Variants in GLIS3 observed in about 807,000 individuals in gnomAD.
GLIS3 encodes the protein zinc finger protein GLIS3.
Under a neutral mutation model 78.6 loss-of-function variants are expected in GLIS3, and 53 were observed. That is an observed-to-expected ratio of 0.67 (90% confidence interval 0.54 to 0.85). GLIS3 has a LOEUF of 0.85. Ranked by LOEUF, GLIS3 falls within the 40% of genes least tolerant of loss-of-function variation. The pLI, the probability that GLIS3 is intolerant of heterozygous loss-of-function variation, is 0.00. For missense variants in GLIS3, 1,703 were observed against 1,231.1 expected (o/e 1.38, Z -5.74); for synonymous variants, 684 against 509.9 (o/e 1.34, Z -4.60).
At chr9:4,265,914 C>CTGTT (rs1251955544) in intron 2 of GLIS3, among the ~76,000 whole-genome samples, 3 of 151,480 alleles carry the variant, frequency 2.0e-5, no homozygotes, top group African/African-American at 7.3e-5. Context: ...TTTTGTTTGT[C>CTGTT]TGTTTGTTTG....
intron 8 of GLIS3, among the ~76,000 whole-genome samples, chr9:3,857,842 G>C (rs966393472): frequency 1.3e-5 from 2 of 152,164 alleles, no homozygotes; most frequent in African/African-American, 4.8e-5. Context: ...AAACTCATTT[G>C]CCAGGATTCC....
rs1319383455 is a variant in GLIS3 at position 3,992,899 on chromosome 9, G to A, written c.1711-55710C>T. ...AACATTTTCTTTAGTTTCGTTTGAG[G>A]TGTATGAAGATTTTCCACTTGTGAA... On this transcript the variant is annotated intron_variant, in intron 4 of 10. Transcript: ENST00000381971. Among the ~76,000 whole-genome samples the A allele has an allele frequency of 2.0e-5, 3 of 152,104 alleles. 1 individual carries two copies. Among genetic ancestry groups the A allele is most frequent in the East Asian group, 3.9e-4 (2 of 5,194 alleles).
At chr9:4,277,786 A>T (rs1827162369) in intron 2 of GLIS3, among the ~76,000 whole-genome samples, 1 of 152,268 alleles carries the variant, frequency 6.6e-6, no homozygotes, top group African/African-American at 2.4e-5. Flanking sequence ...AATGTACTTA[A>T]AGTGGGGATC....
At chr9:4,136,795 T>A (rs1328267964) in intron 2 of GLIS3, among the ~76,000 whole-genome samples, 1 of 152,190 alleles carries the variant, frequency 6.6e-6, no homozygotes, top group Non-Finnish European at 1.5e-5. Context: ...GTTGGTTCAA[T>A]CAGCCCTGAA....
chr9:4,265,113 A>C (rs1563859529), intron 2 of GLIS3, among the ~76,000 whole-genome samples: 2 of 149,740 alleles, frequency 1.3e-5, no homozygotes, highest in African/African-American at 2.5e-5. Context: ...TAGAGCTTGC[A>C]GTGAGCCGAG....
At chr9:4,109,138 GA>G (rs1009561661) in intron 4 of GLIS3, among the ~76,000 whole-genome samples, 10 of 147,790 alleles carry the variant, frequency 6.8e-5, no homozygotes, top group East Asian at 3.9e-4. Context: ...AGTCTGAGCA[GA>G]AAAAAAAAAT....
rs138186545 is a variant in GLIS3, at chr9:4,287,202, A to G, written c.-98-679T>C. On this transcript the variant is annotated intron_variant, in intron 1 of 10. Transcript: ENST00000381971. ...CAACAGGATACTGCAACCTTCCACT[A>G]AAATCCTAGAAAAGAGAAGGGCTGT... 5.1e-4 allele frequency among the ~76,000 whole-genome samples: 78 copies of G among 152,284 alleles called. 1 individual carries two copies. The East Asian group carries it at 0.013, about 25-fold the overall frequency.
rs980915326 is a variant in GLIS3, at chr9:3,890,658, T to C, written c.2128+8033A>G. Among the ~76,000 whole-genome samples the C allele has an allele frequency of 2.0e-5, 3 of 152,074 alleles. No individual in the cohort carries two copies. In the East Asian group the frequency reaches 5.8e-4, roughly 29 times the overall value. On this transcript the variant is annotated intron_variant, in intron 7 of 10. Transcript: ENST00000381971. Reference sequence around the variant, plus strand: ...AAAAGTAACCTCCCCAAACTGAACATCTAGGGACTGGAGATCCAGAACTGG... The same window carrying C: ...AAAAGTAACCTCCCCAAACTGAACACCTAGGGACTGGAGATCCAGAACTGG...
chr9:4,027,883 C>T (rs77494969), intron 4 of GLIS3, among the ~76,000 whole-genome samples: 1 of 152,174 alleles, frequency 6.6e-6, no homozygotes, highest in African/African-American at 2.4e-5. Flanking sequence ...CTGTCAGTGG[C>T]TCTTAAACCC....
chr9:4,320,445 C>T (rs1268214789), intron 2 of GLIS3, among the ~76,000 whole-genome samples: 1 of 152,192 alleles, frequency 6.6e-6, no homozygotes, highest in African/African-American at 2.4e-5. Context: ...CACTTTATTG[C>T]CAAGCCAGAA....
chr9:4,331,634 C>T (rs955591224), intron 2 of GLIS3, among the ~76,000 whole-genome samples: 3 of 152,222 alleles, frequency 2.0e-5, no homozygotes, highest in African/African-American at 4.8e-5. Flanking sequence ...GTGGTAAATT[C>T]ACCCAATTAC....
intron 2 of GLIS3, among the ~76,000 whole-genome samples, chr9:4,165,143 T>G (rs924410200): frequency 6.6e-6 from 1 of 152,026 alleles, no homozygotes; most frequent in African/African-American, 2.4e-5. Flanking sequence ...AATAGACCAT[T>G]CCCAACATCA....
At position 3,828,054 on chromosome 9, in the gene GLIS3, C is replaced by T; in HGVS notation, c.*218G>A. On this transcript the variant is annotated 3_prime_UTR_variant, in exon 11 of 11. Transcript: ENST00000381971. The stretch of plus-strand genomic sequence containing the variant: ...TTTGAAAAGACAGTCCTCCTGGTCA[C>T]ATAGTCCAGGAAAACCAGAGAGAAA... The T allele has an allele frequency of 1.7e-6, 1 of 593,514 alleles. No homozygotes were observed. The highest frequency in any genetic ancestry group is 2.0e-5 in the South Asian group (1 of 50,978). The allele number at this position is 593,514 out of a possible 1,614,324, so 36.8% of individuals were successfully genotyped here.
chr9:3,919,790 G>C (rs914042216), intron 6 of GLIS3, among the ~76,000 whole-genome samples: 1 of 151,924 alleles, frequency 6.6e-6, no homozygotes, highest in Non-Finnish European at 1.5e-5. Flanking sequence ...AAGCATGGAG[G>C]CTCTACCATC....
At chr9:4,062,331 T>C (rs554667899) in intron 4 of GLIS3, among the ~76,000 whole-genome samples, 33 of 152,266 alleles carry the variant, frequency 2.2e-4, no homozygotes, top group African/African-American at 7.7e-4. Flanking sequence ...ACTGGTGGGA[T>C]TGGGAGAGAG....
intron 2 of GLIS3, among the ~76,000 whole-genome samples, chr9:4,269,437 G>T (rs1826307511): frequency 6.6e-6 from 1 of 152,190 alleles, no homozygotes; most frequent in African/African-American, 2.4e-5. Context: ...AGAGAAGACT[G>T]ATCACAGTTT....
At chr9:4,301,984 ATTTTTTTCTTTTTT>A (rs1817093315), upstream of GLIS3, among the ~76,000 whole-genome samples, 1 of 148,560 alleles carries the variant, frequency 6.7e-6, no homozygotes, top group South Asian at 2.1e-4. Context: ...CTTTGGTTGA[ATTTTTTTCTTTTTT>A]TTTTTTTCTG....
intron 4 of GLIS3, among the ~76,000 whole-genome samples, chr9:4,112,673 T>C (rs1163977711): frequency 1.3e-5 from 2 of 152,202 alleles, no homozygotes; most frequent in East Asian, 3.8e-4. Flanking sequence ...TCAATTTCTC[T>C]AGGCTTTGTT....
the GLIS3 span, among the ~76,000 whole-genome samples, chr9:4,418,340 G>A: frequency 6.6e-6 from 1 of 152,212 alleles, no homozygotes; most frequent in Non-Finnish European, 1.5e-5. Context: ...GCAGATTGTA[G>A]CCTTATGCAA....
Sources: gnomAD v4.1 joint callset for allele counts (sites outside exome capture counted in the v4.1 genomes callset) on GRCh38, gnomAD v4.1.1 for gene constraint, MANE v1.5 for transcripts, NCBI Gene and HGNC (gene_info 2026-07-23, HGNC 2026-07-21) for gene names.